Variants in STARD13 observed in about 807,000 individuals in gnomAD.
The protein encoded by STARD13 is StAR related lipid transfer domain containing 13.
STARD13 carries 62 observed loss-of-function variants against 106.4 expected under a neutral mutation model. The observed-to-expected ratio is 0.58, with a 90% CI of 0.48 to 0.72. The LOEUF (loss-of-function observed/expected upper bound fraction) is 0.72, where lower values mean the gene tolerates loss of function less well. Among genes scored for constraint, STARD13 ranks in the 30% least tolerant of loss-of-function variants. The pLI, the probability that STARD13 is intolerant of heterozygous loss-of-function variation, is 0.00. For missense variants in STARD13, 1,387 were observed against 1,424.0 expected, an observed-to-expected ratio of 0.97 and a Z score of 0.42; for synonymous variants, 565 against 553.0, an observed-to-expected ratio of 1.02 and a Z score of -0.31.
chr13:33,621,375 A>T, the STARD13 span, among the ~76,000 whole-genome samples: 1 of 152,004 alleles, frequency 6.6e-6, no homozygotes, highest in Admixed American at 6.5e-5. Flanking sequence ...TTAATAAAAC[A>T]CTAAAAAAAA....
rs182842619 is a variant in STARD13, at chr13:33,210,192, G to A, written c.170-42570C>T. 4.6e-5 allele frequency among the ~76,000 whole-genome samples: 7 copies of A among 152,284 alleles called. No individual in the cohort carries two copies. The East Asian group carries it at 1.3e-3, about 29-fold the overall frequency. ...CTATTAAACATCAGCTCTGCAGAGG[G>A]GAGAGCACACTGAGGAAGCAGAACT... On this transcript the variant is annotated intron_variant, in intron 1 of 13. Coordinates refer to ENST00000336934, the MANE Select transcript of STARD13 (RefSeq NM_178006.4).
At chr13:33,312,025 T>G (rs1252002228) in intron 1 of STARD13, among the ~76,000 whole-genome samples, 1 of 152,250 alleles carries the variant, frequency 6.6e-6, no homozygotes, top group Non-Finnish European at 1.5e-5. Flanking sequence ...CTATTGGATA[T>G]GCAGTTCGTG....
the STARD13 span, among the ~76,000 whole-genome samples, chr13:33,370,623 T>C: frequency 2.1e-4 from 31 of 145,472 alleles, no homozygotes; most frequent in South Asian, 3.3e-3. Flanking sequence ...TTCTTTCTTT[T>C]TTTTTTTTTT....
intron 1 of STARD13, among the ~76,000 whole-genome samples, chr13:33,184,447 ATAAAG>A (rs1393178216): frequency 6.6e-6 from 1 of 152,212 alleles, no homozygotes; most frequent in Non-Finnish European, 1.5e-5. Context: ...TCTCTAGTGG[ATAAAG>A]TAAAGGTGGG....
the STARD13 span, among the ~76,000 whole-genome samples, chr13:33,531,787 T>A: frequency 6.6e-6 from 1 of 152,216 alleles, no homozygotes; most frequent in South Asian, 2.1e-4. Context: ...GTCTCTAATC[T>A]ATTACATCTG....
chr13:33,635,632 C>T, the STARD13 span, among the ~76,000 whole-genome samples: 1 of 150,860 alleles, frequency 6.6e-6, no homozygotes, highest in Non-Finnish European at 1.5e-5. Flanking sequence ...CGCACCACTC[C>T]AGCCTGGGCG....
chr13:33,358,527 G>A, the STARD13 span, among the ~76,000 whole-genome samples: 2 of 152,206 alleles, frequency 1.3e-5, no homozygotes, highest in South Asian at 4.1e-4. Flanking sequence ...TTTAGCTCAA[G>A]GTTTGTGAGT....
In STARD13 at chr13:33,130,171, T is replaced by C. The variant is rs374700460; in HGVS notation, c.506A>G (p.Asn169Ser). The change falls in exon 5 of 14, where the codon AAT (asparagine) becomes AGT (serine). Residue 169 changes from asparagine (N) to serine (S), a missense_variant. Transcript: ENST00000336934. The surrounding 1 kb of genome is among the most constrained non-coding windows in gnomAD (Gnocchi z 4.1). ...CATCCCCGTGCCTCCCGGTGACCCATTTCTGTCTCCTCGAGGGAGCAGCGT... is the reference window on the plus strand; with the variant it reads ...CATCCCCGTGCCTCCCGGTGACCCACTTCTGTCTCCTCGAGGGAGCAGCGT... ...LYTLLPRGDR[N>S]GSPGGTGMRN... 1.2e-6 allele frequency: 2 copies of C among 1,614,048 alleles called. No homozygotes were observed. Among genetic ancestry groups the C allele is most frequent in the Non-Finnish European group, 1.7e-6 (2 of 1,180,022 alleles).
chr13:33,550,320 A>G, the STARD13 span, among the ~76,000 whole-genome samples: 1 of 152,238 alleles, frequency 6.6e-6, no homozygotes, highest in Non-Finnish European at 1.5e-5. Flanking sequence ...AACAACAAGG[A>G]TATAAGCTTT....
the STARD13 span, among the ~76,000 whole-genome samples, chr13:33,641,327 C>T: frequency 6.6e-6 from 1 of 152,186 alleles, no homozygotes; most frequent in Non-Finnish European, 1.5e-5. Flanking sequence ...ATGATCCTCC[C>T]ACCTTTGCCT....
chr13:33,428,053 A>T, the STARD13 span, among the ~76,000 whole-genome samples: 2 of 152,174 alleles, frequency 1.3e-5, no homozygotes, highest in Non-Finnish European at 2.9e-5. Flanking sequence ...GCTTTGAGAA[A>T]GGCACTAGGA....
chr13:33,553,853 C>T, the STARD13 span, among the ~76,000 whole-genome samples: 331 of 152,078 alleles, frequency 2.2e-3, 1 homozygote, highest in African/African-American at 7.5e-3. Context: ...GCTGGGATTA[C>T]GGGTGTGAGC....
At chr13:33,642,052 T>A in the STARD13 span, among the ~76,000 whole-genome samples, 1 of 152,362 alleles carries the variant, frequency 6.6e-6, no homozygotes, top group African/African-American at 2.4e-5. Context: ...TTCATCTTTG[T>A]GTCTTCCCTT....
intron 1 of STARD13, among the ~76,000 whole-genome samples, chr13:33,324,375 C>G (rs1893665291): frequency 6.6e-6 from 1 of 152,162 alleles, no homozygotes. Flanking sequence ...GCTCCTTATG[C>G]CAGGAGTGAG....
intron 1 of STARD13, among the ~76,000 whole-genome samples, chr13:33,259,072 T>C (rs1024751429): frequency 6.6e-6 from 1 of 152,190 alleles, no homozygotes; most frequent in Non-Finnish European, 1.5e-5. Flanking sequence ...ATGCCTACCC[T>C]TGTACTTCTG....
At chr13:33,329,745 G>A (rs541451371) in intron 1 of STARD13, among the ~76,000 whole-genome samples, 2 of 140,188 alleles carry the variant, frequency 1.4e-5, no homozygotes, top group Non-Finnish European at 3.0e-5. Context: ...GCTTTGTCAC[G>A]CAGGCTGTAG....
chr13:33,140,183 G>C (rs1413235486), intron 4 of STARD13, among the ~76,000 whole-genome samples: 1 of 152,214 alleles, frequency 6.6e-6, no homozygotes, highest in Non-Finnish European at 1.5e-5. Flanking sequence ...TGAAAAGCTG[G>C]TGACAGGGTA....
chr13:33,326,497 C>CAGGAAG (rs2077777172), intron 1 of STARD13, among the ~76,000 whole-genome samples: 1 of 152,184 alleles, frequency 6.6e-6, no homozygotes, highest in South Asian at 2.1e-4. Flanking sequence ...TGTACTCCGA[C>CAGGAAG]ATTAAGGGGA....
the STARD13 span, among the ~76,000 whole-genome samples, chr13:33,397,784 A>G: frequency 6.6e-6 from 1 of 152,150 alleles, no homozygotes; most frequent in Non-Finnish European, 1.5e-5. Flanking sequence ...ATTTCTAACA[A>G]TCTGGAAGCT....
Sources: gnomAD v4.1 joint callset for allele counts (sites outside exome capture counted in the v4.1 genomes callset) on GRCh38, gnomAD v4.1.1 for gene constraint, Gnocchi (gnomAD v3.1) non-coding constraint, MANE v1.5 for transcripts, NCBI Gene and HGNC (gene_info 2026-07-23, HGNC 2026-07-21) for gene names.